The following ARHGAP17 variants were observed in gnomAD, a reference collection of about 807,000 sequenced individuals.
ARHGAP17 encodes rho GTPase-activating protein 17.
Under a neutral mutation model 99.5 loss-of-function variants are expected in ARHGAP17, and 57 were observed. That is an observed-to-expected ratio of 0.57 (90% CI 0.46 to 0.71). The LOEUF (loss-of-function observed/expected upper bound fraction) is 0.71. Ranked by LOEUF, ARHGAP17 falls within the 30% of genes least tolerant of loss-of-function variation. The pLI, the probability that ARHGAP17 is intolerant of heterozygous loss-of-function variation, is 0.00. For synonymous variants in ARHGAP17, 417 were observed against 429.6 expected (o/e 0.97, Z 0.36); for missense variants, 1,000 against 1,122.4 (o/e 0.89, Z 1.56).
intron 7 of ARHGAP17, among the ~76,000 whole-genome samples, chr16:24,961,290 A>G (rs1420952913): frequency 6.6e-6 from 1 of 152,180 alleles, no homozygotes; most frequent in Non-Finnish European, 1.5e-5. Context: ...TAGAAGAAAG[A>G]CTTCACGGTA....
chr16:25,009,482 A>T (rs553641440), intron 1 of ARHGAP17, among the ~76,000 whole-genome samples: 2 of 152,216 alleles, frequency 1.3e-5, no homozygotes, highest in South Asian at 4.1e-4. Flanking sequence ...CGTAAGGATA[A>T]GGTTTGTGAT....
intron 1 of ARHGAP17, among the ~76,000 whole-genome samples, chr16:25,006,977 A>G (rs912625994): frequency 6.6e-6 from 1 of 152,220 alleles, no homozygotes; most frequent in Admixed American, 6.5e-5. Context: ...CTGAGAAGAA[A>G]GGAGATCGAG....
intron 7 of ARHGAP17, 27 bp from the exon 8 acceptor site, chr16:24,960,006 T>C (rs369448531): frequency 3.1e-5 from 50 of 1,609,208 alleles, no homozygotes; most frequent in African/African-American, 1.7e-4. Context: ...TAAGAGGTTA[T>C]TGAAGAAAAA....
chr16:24,988,401 T>C (rs935423961), intron 1 of ARHGAP17, among the ~76,000 whole-genome samples: 2 of 152,174 alleles, frequency 1.3e-5, no homozygotes, highest in African/African-American at 4.8e-5. Context: ...GGGGAAATGA[T>C]TCAACAGAAA....
chr16:24,929,388 C>T (rs2152444222), intron 19 of ARHGAP17, among the ~76,000 whole-genome samples: 1 of 152,274 alleles, frequency 6.6e-6, no homozygotes, highest in Non-Finnish European at 1.5e-5. Context: ...GATCTACTGA[C>T]ATCTACTCCT....
intron 1 of ARHGAP17, among the ~76,000 whole-genome samples, chr16:24,980,518 C>T (rs1316621227): frequency 2.0e-5 from 3 of 152,152 alleles, no homozygotes; most frequent in African/African-American, 7.2e-5. Flanking sequence ...GTTCCACCAG[C>T]AACAGGCCAA....
intron 3 of ARHGAP17, among the ~76,000 whole-genome samples, chr16:24,971,535 C>T (rs1216852129): frequency 6.6e-6 from 1 of 152,076 alleles, no homozygotes; most frequent in Admixed American, 6.5e-5. Flanking sequence ...GCCATGTTGG[C>T]CAGGCTTGTC....
At chr16:24,951,212 G>A (rs935796331) in intron 12 of ARHGAP17, among the ~76,000 whole-genome samples, 15 of 152,100 alleles carry the variant, frequency 9.9e-5, no homozygotes, top group Admixed American at 3.3e-4. Context: ...GGAAAGGGAC[G>A]AAGTAGAGGA....
intron 14 of ARHGAP17, 114 bp downstream of exon 14, chr16:24,947,367 CT>C (rs2051502429): frequency 2.1e-6 from 2 of 968,800 alleles, no homozygotes; most frequent in African/African-American, 3.3e-5. Context: ...AGAAAACCAA[CT>C]TCAGAATACC....
chr16:24,968,877 T>C, intron 4 of ARHGAP17, 105 bp from the exon 5 acceptor site: 1 of 988,746 alleles, frequency 1.0e-6, no homozygotes, highest in African/African-American at 1.6e-5. Context: ...CGCATTAGGG[T>C]GCTACCTAAC....
Position 24,964,210 on chromosome 16 carries a change from A to C in ARHGAP17, c.560T>G (p.Val187Gly). 6.2e-7 allele frequency: 1 copy of C among 1,611,400 alleles called. No homozygotes were observed. Among genetic ancestry groups the C allele is most frequent in the Non-Finnish European group, 8.5e-7 (1 of 1,178,040 alleles). Reference protein sequence around the residue: ...KEEMDEAGNKVEQCKDQLAAD... With the variant: ...KEEMDEAGNKGEQCKDQLAAD... Reference sequence around the variant, plus strand: ...GAATTCTCATACCTTGCACTGTTCTACTTTATTTCCAGCTTCATCCATCTC... The same window carrying C: ...GAATTCTCATACCTTGCACTGTTCTCCTTTATTTCCAGCTTCATCCATCTC... The change falls in exon 7 of 20, where the codon GTA (valine) becomes GGA (glycine). Residue 187 changes from valine to glycine, a missense_variant. By Grantham distance (109) the Val-to-Gly change is moderately radical (BLOSUM62 -3). Transcript: ENST00000289968.
At chr16:24,938,024 G>C (rs528666499) in intron 17 of ARHGAP17, among the ~76,000 whole-genome samples, 7 of 152,272 alleles carry the variant, frequency 4.6e-5, no homozygotes, top group African/African-American at 1.7e-4. Flanking sequence ...GTGGTCATCT[G>C]CCTGGATCAG....
intron 1 of ARHGAP17, among the ~76,000 whole-genome samples, chr16:24,980,994 A>C (rs998320750): frequency 2.6e-5 from 4 of 152,352 alleles, no homozygotes; most frequent in Admixed American, 6.5e-5. Context: ...GTCCTTTTTC[A>C]GAGCAAATTA....
intron 18 of ARHGAP17, among the ~76,000 whole-genome samples, chr16:24,935,136 C>A (rs9939572): frequency 0.033 from 5,003 of 152,200 alleles, 269 homozygotes; most frequent in African/African-American, 0.11. Context: ...AAAAGTGCCT[C>A]CCAGACCCAC....
intron 11 of ARHGAP17, 66 bp downstream of exon 11, chr16:24,952,865 G>T (rs971259482): frequency 6.8e-7 from 1 of 1,466,780 alleles, no homozygotes; most frequent in Non-Finnish European, 9.5e-7. Context: ...CTGACCATCT[G>T]TCTGAGACAG....
At chr16:24,927,164 A>G (rs1376439364) in intron 19 of ARHGAP17, among the ~76,000 whole-genome samples, 6 of 152,180 alleles carry the variant, frequency 3.9e-5, no homozygotes, top group African/African-American at 1.4e-4. Context: ...CCAGGTACTC[A>G]GGAGGCTGAG....
At position 24,999,545 on chromosome 16, in the gene ARHGAP17, T is replaced by C. The variant is rs72782526; in HGVS notation, c.53+15664A>G. On this transcript the variant is annotated intron_variant, in intron 1 of 19. Coordinates refer to ENST00000289968, the MANE Select transcript of ARHGAP17 (RefSeq NM_001006634.3). Reference sequence around the variant, plus strand: ...ATTCTTCTATCTCAGCCTCCTGAAATAGCTGGGACTACAGGGGTGTGCCAC... The same window carrying C: ...ATTCTTCTATCTCAGCCTCCTGAAACAGCTGGGACTACAGGGGTGTGCCAC... Among the ~76,000 whole-genome samples, 422 of 152,200 alleles carry C rather than the reference T, an allele frequency of 2.8e-3. 1 individual carries two copies. Among genetic ancestry groups the C allele is most frequent in the Non-Finnish European group, 4.8e-3 (324 of 68,000 alleles).
chr16:24,946,257 T>C (rs1301627205), intron 14 of ARHGAP17, among the ~76,000 whole-genome samples: 1 of 151,974 alleles, frequency 6.6e-6, no homozygotes, highest in Non-Finnish European at 1.5e-5. Context: ...CAGTACAATG[T>C]GTGAGGCCCT....
At chr16:24,938,114 G>A (rs1417123480) in intron 17 of ARHGAP17, among the ~76,000 whole-genome samples, 1 of 152,316 alleles carries the variant, frequency 6.6e-6, no homozygotes, top group South Asian at 2.1e-4. Flanking sequence ...TGTAATGCCA[G>A]CCTTTGGGAG....
Sources: gnomAD v4.1 joint callset for allele counts (sites outside exome capture counted in the v4.1 genomes callset) on GRCh38, gnomAD v4.1.1 for gene constraint, MANE v1.5 for transcripts, NCBI Gene and HGNC (gene_info 2026-07-23, HGNC 2026-07-21) for gene names.